Variants in PKHD1 observed in about 807,000 individuals in gnomAD.
PKHD1 encodes fibrocystin.
In PKHD1, 291 loss-of-function variants were observed where a neutral mutation model predicts 412.0. The observed-to-expected ratio is 0.71, with a 90% CI of 0.64 to 0.78. The LOEUF (loss-of-function observed/expected upper bound fraction) is 0.78. Among genes scored for constraint, PKHD1 ranks in the 30% least tolerant of loss-of-function variants. The pLI, the probability that PKHD1 is intolerant of heterozygous loss-of-function variation, is 0.00. For missense variants in PKHD1, 4,825 were observed against 4,950.7 expected (o/e 0.97, Z 0.76); for synonymous variants, 1,777 against 1,821.5 (o/e 0.98, Z 0.62).
At chr6:51,889,793 C>T (rs188144330) in intron 43 of PKHD1, among the ~76,000 whole-genome samples, 2 of 152,126 alleles carry the variant, frequency 1.3e-5, no homozygotes, top group African/African-American at 4.8e-5. Flanking sequence ...TCCTAGGAGA[C>T]ATTCAAAGAG....
At chr6:52,022,640 TCTAA>T (rs1264569250) in intron 33 of PKHD1, among the ~76,000 whole-genome samples, 157 bp downstream of exon 33, 3 of 152,332 alleles carry the variant, frequency 2.0e-5, no homozygotes, top group Admixed American at 6.5e-5. Flanking sequence ...GGCCTCAGAT[TCTAA>T]CTATCATTTT....
chr6:51,969,327 G>A (rs780743746), intron 35 of PKHD1, among the ~76,000 whole-genome samples: 4 of 152,216 alleles, frequency 2.6e-5, no homozygotes, highest in Non-Finnish European at 5.9e-5. Flanking sequence ...AGATGAGAAT[G>A]TAGCCATGCT....
intron 52 of PKHD1, among the ~76,000 whole-genome samples, chr6:51,809,376 G>A (rs73740033): frequency 0.012 from 1,759 of 151,876 alleles, 35 homozygotes; most frequent in African/African-American, 0.04. Context: ...ATATCCATGG[G>A]TCTGTTTCTG....
At chr6:52,064,414 T>C (rs1192577309) in intron 13 of PKHD1, among the ~76,000 whole-genome samples, 2 of 152,208 alleles carry the variant, frequency 1.3e-5, no homozygotes, top group African/African-American at 2.4e-5. Context: ...CCTCCTCCAT[T>C]TCTGCCCACT....
intron 38 of PKHD1, 97 bp downstream of exon 38, chr6:51,912,269 T>C: frequency 1.2e-6 from 1 of 817,620 alleles, no homozygotes; most frequent in East Asian, 2.4e-5. Context: ...GCAGAAGAAA[T>C]ATATCATTGA....
At chr6:52,068,592 G>A (rs1218036876) in intron 11 of PKHD1, among the ~76,000 whole-genome samples, 4 of 152,130 alleles carry the variant, frequency 2.6e-5, no homozygotes, top group African/African-American at 9.7e-5. Context: ...TGTAAAATGG[G>A]GCTAATGTTA....
At chr6:51,929,738 C>T (rs1786282649) in intron 37 of PKHD1, among the ~76,000 whole-genome samples, 2 of 152,246 alleles carry the variant, frequency 1.3e-5, no homozygotes, top group South Asian at 4.1e-4. Flanking sequence ...ATTTAGACCA[C>T]TGCTTTTATT....
At chr6:52,009,136 AG>A (rs1173942406) in intron 35 of PKHD1, among the ~76,000 whole-genome samples, 1 of 152,174 alleles carries the variant, frequency 6.6e-6, no homozygotes, top group Non-Finnish European at 1.5e-5. Flanking sequence ...TAAAATTGGT[AG>A]TAAATTGAAA....
intron 37 of PKHD1, among the ~76,000 whole-genome samples, chr6:51,931,600 C>T (rs1415483953): frequency 6.6e-6 from 1 of 152,072 alleles, no homozygotes; most frequent in East Asian, 1.9e-4. Context: ...GAAAGGAATC[C>T]CTGTCACCCA....
At chr6:51,664,340 G>A (rs1482407555) in intron 60 of PKHD1, among the ~76,000 whole-genome samples, 1 of 152,126 alleles carries the variant, frequency 6.6e-6, no homozygotes, top group Non-Finnish European at 1.5e-5. Context: ...GAGACAGAGG[G>A]AGAAAAGGGT....
At chr6:51,791,689 T>A (rs557044415) in intron 52 of PKHD1, among the ~76,000 whole-genome samples, 1 of 152,300 alleles carries the variant, frequency 6.6e-6, no homozygotes, top group South Asian at 2.1e-4. Flanking sequence ...CTTTGTCCTG[T>A]CTCTTCACTT....
At chr6:51,976,930 A>G (rs1794517738) in intron 35 of PKHD1, among the ~76,000 whole-genome samples, 1 of 131,930 alleles carries the variant, frequency 7.6e-6, no homozygotes, top group African/African-American at 2.9e-5. Context: ...CCTGGGTGAT[A>G]GAGTGAGACT....
At chr6:51,824,483 G>A (rs1356119919) in intron 52 of PKHD1, among the ~76,000 whole-genome samples, 1 of 152,084 alleles carries the variant, frequency 6.6e-6, no homozygotes, top group Non-Finnish European at 1.5e-5. Flanking sequence ...CTTAAAGCAA[G>A]GTTCACTAAG....
chr6:52,003,717 T>C (rs1798722469), intron 35 of PKHD1, among the ~76,000 whole-genome samples: 1 of 152,226 alleles, frequency 6.6e-6, no homozygotes, highest in Non-Finnish European at 1.5e-5. Flanking sequence ...CTTTCTTTCA[T>C]ATAAGATCTT....
chr6:51,855,175 T>G (rs1327330674), intron 49 of PKHD1, among the ~76,000 whole-genome samples: 1 of 152,204 alleles, frequency 6.6e-6, no homozygotes, highest in Non-Finnish European at 1.5e-5. Flanking sequence ...CTTTTCCCCG[T>G]GTGGCTCTCA....
In PKHD1 at chr6:51,829,292, G is replaced by A. The variant is rs188224623; in HGVS notation, c.8302+1569C>T. 3.2e-3 allele frequency among the ~76,000 whole-genome samples: 404 copies of A among 124,776 alleles called. 1 individual carries two copies. The highest frequency in any genetic ancestry group is 5.4e-3 in the Non-Finnish European group (314 of 58,204). The allele number at this position is 124,776 out of a possible 152,430, so 81.9% of individuals were successfully genotyped here. ...ATAGTGGAGAAAGCCAGGGATCCCG[G>A]GACCCAGGACACACAGTGGACACAG... On this transcript the variant is annotated intron_variant, in intron 52 of 66. Coordinates refer to ENST00000371117, the MANE Select transcript of PKHD1 (RefSeq NM_138694.4).
chr6:51,635,007 G>A (rs1231405839), intron 64 of PKHD1, among the ~76,000 whole-genome samples: 2 of 152,152 alleles, frequency 1.3e-5, no homozygotes, highest in East Asian at 3.8e-4. Context: ...GCTCACTGTA[G>A]CCCTGAACAC....
intron 50 of PKHD1, among the ~76,000 whole-genome samples, chr6:51,840,220 G>C (rs1769933183): frequency 6.6e-6 from 1 of 152,108 alleles, no homozygotes; most frequent in Non-Finnish European, 1.5e-5. Context: ...GGCAGCTAAA[G>C]CTTGATTTAC....
intron 60 of PKHD1, among the ~76,000 whole-genome samples, chr6:51,737,985 G>T (rs1026422468): frequency 2.0e-4 from 31 of 152,292 alleles, no homozygotes; most frequent in African/African-American, 7.2e-4. Context: ...AGACAAATTA[G>T]ATATACAAAC....
Sources: gnomAD v4.1 joint callset for allele counts (sites outside exome capture counted in the v4.1 genomes callset) on GRCh38, gnomAD v4.1.1 for gene constraint, MANE v1.5 for transcripts, NCBI Gene and HGNC (gene_info 2026-07-23, HGNC 2026-07-21) for gene names.